The following SEMA3D variants were observed in gnomAD, a reference collection of about 807,000 sequenced individuals.
The protein encoded by SEMA3D is semaphorin-3D.
Under a neutral mutation model 100.1 loss-of-function variants are expected in SEMA3D, and 84 were observed. The observed-to-expected ratio is 0.84, with a 90% CI of 0.70 to 1.01. SEMA3D has a LOEUF of 1.01. Ranked by LOEUF, SEMA3D falls within the 50% of genes least tolerant of loss-of-function variation. The pLI, the probability that SEMA3D is intolerant of heterozygous loss-of-function variation, is 0.00. For missense variants in SEMA3D, 875 were observed against 934.1 expected (o/e 0.94, Z 0.82); for synonymous variants, 312 against 320.7 (o/e 0.97, Z 0.29).
chr7:85,244,893 G>A, the SEMA3D span, among the ~76,000 whole-genome samples: 1 of 151,806 alleles, frequency 6.6e-6, no homozygotes, highest in African/African-American at 2.4e-5. Flanking sequence ...TTGTATTTTA[G>A]TGGAGACTGG....
intron 3 of SEMA3D, 119 bp from the exon 4 acceptor site, chr7:85,098,084 G>T (rs974795270): frequency 3.4e-6 from 2 of 586,856 alleles, no homozygotes; most frequent in Non-Finnish European, 5.4e-6. Context: ...GAAAAAGAAA[G>T]AAAGAAAAAA....
At chr7:85,135,028 G>C (rs997937203) in intron 2 of SEMA3D, among the ~76,000 whole-genome samples, 3 of 151,166 alleles carry the variant, frequency 2.0e-5, no homozygotes, top group Non-Finnish European at 4.4e-5. Flanking sequence ...CATCACTTGA[G>C]AATATCCTAG....
intron 2 of SEMA3D, among the ~76,000 whole-genome samples, chr7:85,139,514 C>T (rs1789981009): frequency 6.6e-6 from 1 of 151,924 alleles, no homozygotes; most frequent in Non-Finnish European, 1.5e-5. Flanking sequence ...AATAATATTT[C>T]TGTCTTTTTC....
intron 9 of SEMA3D, among the ~76,000 whole-genome samples, chr7:85,044,436 AATT>A (rs1369060817): frequency 6.6e-6 from 1 of 152,148 alleles, no homozygotes; most frequent in African/African-American, 2.4e-5. Flanking sequence ...ACTCAGGAAT[AATT>A]ATTATTTTCT....
At chr7:85,098,060 G>A (rs1009037701) in intron 3 of SEMA3D, 95 bp from the exon 4 acceptor site, 11 of 648,006 alleles carry the variant, frequency 1.7e-5, no homozygotes, top group African/African-American at 1.9e-5. Context: ...AGAAAGGAAA[G>A]AGAGAAAAGG....
At chr7:85,066,589 T>C (rs1791627513) in intron 7 of SEMA3D, among the ~76,000 whole-genome samples, 1 of 152,076 alleles carries the variant, frequency 6.6e-6, no homozygotes, top group African/African-American at 2.4e-5. Flanking sequence ...ACCTCTACTA[T>C]TTCAAGAAAC....
At chr7:85,006,981 G>A in intron 17 of SEMA3D, 40 bp from the exon 18 acceptor site, 1 of 1,543,904 alleles carries the variant, frequency 6.5e-7, no homozygotes. Context: ...ACCTTGACCT[G>A]ATTTTAAAAG....
At chr7:85,131,871 A>G (rs983964062) in intron 2 of SEMA3D, among the ~76,000 whole-genome samples, 1 of 151,902 alleles carries the variant, frequency 6.6e-6, no homozygotes, top group African/African-American at 2.4e-5. Context: ...TTAAAGGTGT[A>G]AAGTTTTTTA....
intron 9 of SEMA3D, among the ~76,000 whole-genome samples, chr7:85,047,714 A>G (rs1201739457): frequency 6.6e-6 from 1 of 151,888 alleles, no homozygotes; most frequent in African/African-American, 2.4e-5. Context: ...TTGTAACCCT[A>G]TTCATGAGTT....
At chr7:85,093,847 CA>C (rs1788471817) in intron 4 of SEMA3D, among the ~76,000 whole-genome samples, 1 of 151,944 alleles carries the variant, frequency 6.6e-6, no homozygotes, top group Non-Finnish European at 1.5e-5. Flanking sequence ...CATACTGACA[CA>C]AATGAATACT....
chr7:85,017,582 A>T (rs572823853), intron 15 of SEMA3D, among the ~76,000 whole-genome samples: 1 of 151,890 alleles, frequency 6.6e-6, no homozygotes, highest in Admixed American at 6.6e-5. Context: ...TGGCTTTCTT[A>T]TATCTTGGGG....
intron 13 of SEMA3D, among the ~76,000 whole-genome samples, chr7:85,021,250 G>A (rs569185572): frequency 6.6e-6 from 1 of 151,686 alleles, no homozygotes; most frequent in African/African-American, 2.4e-5. Flanking sequence ...TATCTTAGCA[G>A]TCTATAATTT....
chr7:85,021,170 T>G (rs940879361), intron 13 of SEMA3D, among the ~76,000 whole-genome samples: 2 of 151,802 alleles, frequency 1.3e-5, no homozygotes, highest in African/African-American at 4.8e-5. Context: ...TATTTAATTG[T>G]TTTTAAATAA....
intron 4 of SEMA3D, among the ~76,000 whole-genome samples, chr7:85,083,429 G>A (rs926001987): frequency 6.6e-6 from 1 of 152,182 alleles, no homozygotes; most frequent in Non-Finnish European, 1.5e-5. Flanking sequence ...AATCCAGATG[G>A]AACACTGCAG....
At chr7:85,212,665 G>A in the SEMA3D span, among the ~76,000 whole-genome samples, 3 of 151,808 alleles carry the variant, frequency 2.0e-5, no homozygotes, top group Non-Finnish European at 2.9e-5. Context: ...AATAAATTAA[G>A]CTTTGTTTAA....
intron 1 of SEMA3D, among the ~76,000 whole-genome samples, chr7:85,181,453 T>C (rs548374791): frequency 2.0e-5 from 3 of 151,864 alleles, no homozygotes; most frequent in African/African-American, 7.2e-5. Flanking sequence ...AACAAATAAA[T>C]AAATTAAATT....
At chr7:85,004,646 G>A (rs1027975285) in intron 18 of SEMA3D, among the ~76,000 whole-genome samples, 1 of 152,024 alleles carries the variant, frequency 6.6e-6, no homozygotes, top group African/African-American at 2.4e-5. Context: ...AGGAGATCAT[G>A]GTCCCTCCCG....
the SEMA3D span, among the ~76,000 whole-genome samples, chr7:85,198,844 TC>T: frequency 1.3e-5 from 2 of 150,900 alleles, no homozygotes; most frequent in Non-Finnish European, 3.0e-5. Context: ...TTTTTTTTTT[TC>T]AAGGGTTTTC....
rs1302299316 is a variant in SEMA3D at position 85,141,153 on chromosome 7, C to G, written c.-41+12455G>C. On this transcript the variant is annotated intron_variant, in intron 2 of 18. Transcript: ENST00000284136. Reference sequence around the variant, plus strand: ...GATTTGTCCAATTTGACGTCTAATTCTAAGCACATTATAACTAGTTGCAGC... The same window carrying G: ...GATTTGTCCAATTTGACGTCTAATTGTAAGCACATTATAACTAGTTGCAGC... The G allele has an allele frequency of 4.1e-6, 4 of 984,458 alleles. No homozygotes were observed. The Admixed American group carries it at 2.5e-4, about 61-fold the overall frequency. 61.0% of individuals were successfully genotyped at this position (984,458 alleles called of 1,614,324 possible).
Sources: allele counts gnomAD v4.1 joint callset (sites outside exome capture counted in the v4.1 genomes callset), GRCh38; gene constraint gnomAD v4.1.1; transcripts MANE v1.5; gene names NCBI Gene and HGNC (gene_info 2026-07-23, HGNC 2026-07-21).